AGPAT3: variants seen among roughly 807,000 people sequenced by gnomAD.
AGPAT3 encodes 1-acyl-sn-glycerol-3-phosphate acyltransferase gamma.
In AGPAT3, 5 loss-of-function variants were observed where a neutral mutation model predicts 47.3. The observed-to-expected ratio is 0.11, with a 90% CI of 0.06 to 0.22. AGPAT3 has a LOEUF of 0.22. AGPAT3 is among the 10% of genes least tolerant of loss of function. AGPAT3 has a pLI of 1.00. For synonymous variants in AGPAT3, 212 were observed against 208.3 expected, an observed-to-expected ratio of 1.02 and a Z score of -0.15; for missense variants, 315 against 493.0, an observed-to-expected ratio of 0.64 and a Z score of 3.42.
At chr21:43,951,436 C>T (rs1253653388) in intron 2 of AGPAT3, among the ~76,000 whole-genome samples, 1 of 152,224 alleles carries the variant, frequency 6.6e-6, no homozygotes, top group Non-Finnish European at 1.5e-5. Flanking sequence ...TAGCCTTGCT[C>T]TCGGAAGGGC....
At chr21:43,882,110 C>G (rs993652787) in intron 1 of AGPAT3, among the ~76,000 whole-genome samples, 38 of 152,264 alleles carry the variant, frequency 2.5e-4, no homozygotes, top group African/African-American at 9.2e-4. Context: ...ACCCTTGTCC[C>G]TTGGGTGAGT....
intron 1 of AGPAT3, among the ~76,000 whole-genome samples, chr21:43,893,229 G>A (rs1056767079): frequency 8.5e-5 from 13 of 152,196 alleles, no homozygotes; most frequent in African/African-American, 3.1e-4. Context: ...AGAAGATGTG[G>A]CTTCTTTTCT....
At chr21:43,928,561 C>T (rs1443946171) in intron 2 of AGPAT3, among the ~76,000 whole-genome samples, 2 of 152,358 alleles carry the variant, frequency 1.3e-5, no homozygotes, top group East Asian at 3.9e-4. Context: ...GTTCACTGCT[C>T]TGTCTGAAGG....
intron 1 of AGPAT3, among the ~76,000 whole-genome samples, chr21:43,897,548 G>C (rs79871164): frequency 0.062 from 8,428 of 136,672 alleles, 473 homozygotes; most frequent in African/African-American, 0.17. Context: ...ACATCCCAGA[G>C]GGGGCGGCCG....
intron 2 of AGPAT3, among the ~76,000 whole-genome samples, chr21:43,935,348 C>G (rs1382123249): frequency 6.6e-6 from 1 of 152,254 alleles, no homozygotes; most frequent in African/African-American, 2.4e-5. Context: ...CAGATCCCGC[C>G]TCTCTCCAGC....
chr21:43,974,457 T>G (rs2089525059), intron 7 of AGPAT3, among the ~76,000 whole-genome samples: 1 of 151,266 alleles, frequency 6.6e-6, no homozygotes, highest in Non-Finnish European at 1.5e-5. Flanking sequence ...TGTGTATAAA[T>G]TATAAATGTG....
chr21:43,934,263 A>G lies in AGPAT3; in HGVS notation c.-48-25371A>G, dbSNP rs759663949. Reference sequence around the variant, plus strand: ...GCCCCCCAAGGACCAGCTCCCACACACCAGCCCTCTCACCGCGGTGTGCCT... The same window carrying G: ...GCCCCCCAAGGACCAGCTCCCACACGCCAGCCCTCTCACCGCGGTGTGCCT... On this transcript the variant is annotated intron_variant, in intron 2 of 9. Transcript: ENST00000291572. The surrounding 1 kb of genome is among the most constrained non-coding windows in gnomAD (Gnocchi z 4.7). Among the ~76,000 whole-genome samples the G allele has an allele frequency of 2.6e-5, 4 of 152,158 alleles. No individual in the cohort carries two copies. The highest frequency in any genetic ancestry group is 4.8e-5 in the African/African-American group (2 of 41,434).
rs1342978002 is a variant in AGPAT3, at chr21:43,955,923, T to A, written c.-48-3711T>A. Among the ~76,000 whole-genome samples, 1 of 150,984 alleles carries A rather than the reference T, an allele frequency of 6.6e-6. No homozygotes were observed. Among genetic ancestry groups the A allele is most frequent in the Non-Finnish European group, 1.5e-5 (1 of 67,854 alleles). The stretch of plus-strand genomic sequence containing the variant: ...TCAAAAAAAAAAAAAAAAATCAGAT[T>A]CCTGTACTTTGCGCCGTAGCAACGG... On this transcript the variant is annotated intron_variant, in intron 2 of 9. Coordinates refer to ENST00000291572, the MANE Select transcript of AGPAT3 (RefSeq NM_020132.5). The surrounding 1 kb of genome is among the most constrained non-coding windows in gnomAD (Gnocchi z 4.1).
rs534013407 is a variant in AGPAT3 at position 43,880,299 on chromosome 21, C to T, written c.-112+14954C>T. ...TCCCCTAGAGCCCGAGATCTGGGAG[C>T]GGCAGGGGCAGCCACTGTTCCTGTG... On this transcript the variant is annotated intron_variant, in intron 1 of 9. Coordinates refer to ENST00000291572, the MANE Select transcript of AGPAT3 (RefSeq NM_020132.5). The surrounding 1 kb of genome is among the most constrained non-coding windows in gnomAD (Gnocchi z 4.5). Among the ~76,000 whole-genome samples, 42 of 152,314 alleles carry T rather than the reference C, an allele frequency of 2.8e-4. No homozygotes were observed. Among genetic ancestry groups the T allele is most frequent in the Middle Eastern group, 3.4e-3 (1 of 294 alleles).
intron 1 of AGPAT3, among the ~76,000 whole-genome samples, chr21:43,900,825 C>T (rs965543797): frequency 3.9e-5 from 6 of 152,130 alleles, no homozygotes; most frequent in African/African-American, 9.7e-5. Context: ...AGCTTACGAG[C>T]GAGATCTGAA....
rs530067221 is a variant in AGPAT3 at position 43,933,765 on chromosome 21, C to T, written c.-48-25869C>T. Among the ~76,000 whole-genome samples the T allele has an allele frequency of 4.6e-5, 7 of 152,020 alleles. No individual in the cohort carries two copies. The highest frequency in any genetic ancestry group is 7.4e-5 in the Non-Finnish European group (5 of 67,982). ...CCGCATACCAGATGCCCAGAGGCCC[C>T]GGCGGCCTCCATCCAAGCACAGGCC... On this transcript the variant is annotated intron_variant, in intron 2 of 9. Transcript: ENST00000291572. This position sits in a 1 kb window ranked among gnomAD's most constrained non-coding sequence, Gnocchi z 6.0.
rs2089364728 is a variant in AGPAT3 at position 43,970,858 on chromosome 21, G to A, written c.664+52G>A. 2.1e-6 allele frequency: 3 copies of A among 1,406,198 alleles called. No homozygotes were observed. The highest frequency in any genetic ancestry group is 2.7e-5 in the Admixed American group (1 of 37,404). The allele number at this position is 1,406,198 out of a possible 1,614,324, so 87.1% of individuals were successfully genotyped here. On this transcript the variant is annotated intron_variant, in intron 6 of 9. Coordinates refer to ENST00000291572, the MANE Select transcript of AGPAT3 (RefSeq NM_020132.5). The surrounding 1 kb of genome is among the most constrained non-coding windows in gnomAD (Gnocchi z 5.8). ...GCCACCGCTATGCTCACGGAAAATA[G>A]TGATTTCTTTAAAAAAAAAAAAAAT... is the stretch of plus-strand genomic sequence containing the variant.
chr21:43,976,005 A>G (rs939177311), intron 7 of AGPAT3, among the ~76,000 whole-genome samples: 24 of 151,070 alleles, frequency 1.6e-4, no homozygotes, highest in African/African-American at 5.8e-4. Flanking sequence ...TTTTTAAGAG[A>G]AAACCACATT....
intron 2 of AGPAT3, among the ~76,000 whole-genome samples, chr21:43,914,899 A>C (rs190501080): frequency 2.0e-5 from 3 of 152,314 alleles, no homozygotes; most frequent in Admixed American, 2.0e-4. Context: ...AATTCTATAA[A>C]GATAGTTCTG....
intron 1 of AGPAT3, among the ~76,000 whole-genome samples, chr21:43,878,258 T>G (rs1438361529): frequency 6.6e-6 from 1 of 152,228 alleles, no homozygotes; most frequent in Admixed American, 6.5e-5. Flanking sequence ...GCCTGGTGAC[T>G]TCGACCTGGA....
At chr21:43,870,419 T>C (rs2085599303) in intron 1 of AGPAT3, among the ~76,000 whole-genome samples, 1 of 152,102 alleles carries the variant, frequency 6.6e-6, no homozygotes, top group Non-Finnish European at 1.5e-5. Flanking sequence ...TAAATGTTAG[T>C]GAATTATTGG....
chr21:43,873,370 A>T (rs1013740186), intron 1 of AGPAT3, among the ~76,000 whole-genome samples: 2 of 152,224 alleles, frequency 1.3e-5, no homozygotes, highest in African/African-American at 4.8e-5. Flanking sequence ...ACCTGACTTC[A>T]TCAAGGTAAA....
At position 43,984,227 on chromosome 21, in the gene AGPAT3, G is replaced by C. The variant is rs188490661; in HGVS notation, c.*1835G>C. Reference sequence around the variant, plus strand: ...ATCTCATCCCTCCACCCGCCCACTCGGGCAGCTGTGCCGTGGGCAGGGCAT... The same window carrying C: ...ATCTCATCCCTCCACCCGCCCACTCCGGCAGCTGTGCCGTGGGCAGGGCAT... On this transcript the variant is annotated 3_prime_UTR_variant, in exon 10 of 10. Transcript: ENST00000291572. 1 of 152,234 alleles carries C rather than the reference G, an allele frequency of 6.6e-6. No homozygotes were observed. The highest frequency in any genetic ancestry group is 1.5e-5 in the Non-Finnish European group (1 of 68,070). The allele number at this position is 152,234 out of a possible 1,614,324, so 9.4% of individuals were successfully genotyped here. A position where few individuals can be genotyped will look rare whatever the true frequency, so the allele number is the denominator to read the frequency against.
intron 3 of AGPAT3, among the ~76,000 whole-genome samples, chr21:43,962,328 G>A (rs192580226): frequency 1.3e-5 from 2 of 152,072 alleles, no homozygotes; most frequent in African/African-American, 4.8e-5. Context: ...TAAATGAAAG[G>A]CTGCTGCTTT....
Sources: allele counts gnomAD v4.1 joint callset (sites outside exome capture counted in the v4.1 genomes callset), GRCh38; gene constraint gnomAD v4.1.1; non-coding constraint Gnocchi (gnomAD v3.1); transcripts MANE v1.5; gene names NCBI Gene and HGNC (gene_info 2026-07-23, HGNC 2026-07-21).